Variants in PLXNA2 observed in about 807,000 individuals in gnomAD.
The protein encoded by PLXNA2 is plexin-A2.
Under a neutral mutation model 193.5 loss-of-function variants are expected in PLXNA2, and 91 were observed. The ratio of observed to expected loss-of-function variants is 0.47; its 90% CI spans 0.40 to 0.56. The LOEUF is 0.56. PLXNA2 is among the 20% of genes least tolerant of loss of function. PLXNA2 has a pLI of 0.00. For synonymous variants in PLXNA2, 997 were observed against 1,027.3 expected (o/e 0.97, Z 0.56); for missense variants, 1,995 against 2,503.2 (o/e 0.80, Z 4.33).
chr1:208,073,221 G>A (rs1426303835), intron 12 of PLXNA2, among the ~76,000 whole-genome samples: 1 of 152,220 alleles, frequency 6.6e-6, no homozygotes, highest in Non-Finnish European at 1.5e-5. Flanking sequence ...GTCTGCTCAT[G>A]TCCCTTGCCT....
rs1667210400 is a variant in PLXNA2 at position 208,104,864 on chromosome 1, T to C, written c.1507-1617A>G. Reference sequence around the variant, plus strand: ...GGGAGATGAGTGTAAAATCTTGCAATTTAGCTTTAAAAAAGACTGGTACTA... The same window carrying C: ...GGGAGATGAGTGTAAAATCTTGCAACTTAGCTTTAAAAAAGACTGGTACTA... On this transcript the variant is annotated intron_variant, in intron 4 of 31. Transcript: ENST00000367033. Among the ~76,000 whole-genome samples the C allele has an allele frequency of 2.0e-5, 3 of 152,158 alleles. 1 individual carries two copies. The highest frequency in any genetic ancestry group is 2.0e-4 in the Admixed American group (3 of 15,286).
Position 208,091,291 on chromosome 1 carries a change from TA to T in PLXNA2, c.2097+1494del, listed in dbSNP as rs548565716. 5.3e-5 allele frequency among the ~76,000 whole-genome samples: 8 copies of T among 152,020 alleles called. No individual in the cohort carries two copies. The South Asian group carries it at 1.5e-3, about 28-fold the overall frequency. ...ATAAACTAAGAAGAGTTCAAAGGGG[TA>T]TGTGTTTGAGAAACCTTTCAGAGTC... is the stretch of plus-strand genomic sequence containing the variant. On this transcript the variant is annotated intron_variant, in intron 9 of 31. Transcript: ENST00000367033.
intron 12 of PLXNA2, among the ~76,000 whole-genome samples, chr1:208,065,095 G>T (rs542398846): frequency 3.3e-5 from 5 of 152,248 alleles, no homozygotes; most frequent in Middle Eastern, 6.8e-3. Flanking sequence ...GGAAGGAGCT[G>T]AGAGGCTGCA....
intron 12 of PLXNA2, among the ~76,000 whole-genome samples, chr1:208,069,006 T>A (rs1665889583): frequency 6.6e-6 from 1 of 152,152 alleles, no homozygotes; most frequent in African/African-American, 2.4e-5. Flanking sequence ...CACTTTAGGG[T>A]AGAGAGCTCA....
chr1:208,146,708 CA>C (rs1285288002), intron 3 of PLXNA2, among the ~76,000 whole-genome samples: 3 of 152,114 alleles, frequency 2.0e-5, no homozygotes, highest in African/African-American at 4.8e-5. Flanking sequence ...TGGTGTCCCA[CA>C]AAGTGACAGC....
At chr1:208,172,247 G>A (rs1273289009) in intron 3 of PLXNA2, among the ~76,000 whole-genome samples, 5 of 151,868 alleles carry the variant, frequency 3.3e-5, no homozygotes, top group African/African-American at 1.2e-4. Flanking sequence ...TCTGTTATTT[G>A]CAGAGGTAAT....
chr1:208,093,366 G>C (rs558445396), intron 8 of PLXNA2, among the ~76,000 whole-genome samples: 2 of 152,204 alleles, frequency 1.3e-5, no homozygotes, highest in African/African-American at 2.4e-5. Context: ...ACAGGAATTG[G>C]GCATATCTGA....
intron 3 of PLXNA2, among the ~76,000 whole-genome samples, chr1:208,156,173 G>A (rs1209498166): frequency 6.6e-6 from 1 of 152,110 alleles, no homozygotes; most frequent in African/African-American, 2.4e-5. Flanking sequence ...GAGGTTTCTC[G>A]GGTTCCTGAG....
Position 208,039,000 on chromosome 1 carries a change from A to G in PLXNA2, c.4501-16T>C. ...AGTTCAGGATCTACAAGTAGGGGACAGAGGGTGAGCAGGACAGGAGTTGAA... is the reference window on the plus strand; with the variant it reads ...AGTTCAGGATCTACAAGTAGGGGACGGAGGGTGAGCAGGACAGGAGTTGAA... On this transcript the variant is annotated splice_polypyrimidine_tract_variant and intron_variant, in intron 24 of 31. Coordinates refer to ENST00000367033, the MANE Select transcript of PLXNA2 (RefSeq NM_025179.4). This position sits in a 1 kb window ranked among gnomAD's most constrained non-coding sequence, Gnocchi z 4.1. The G allele has an allele frequency of 1.2e-6, 2 of 1,612,064 alleles. No individual in the cohort carries two copies. Among genetic ancestry groups the G allele is most frequent in the South Asian group, 1.1e-5 (1 of 90,868 alleles).
chr1:208,106,971 G>A (rs1667289367), intron 4 of PLXNA2, among the ~76,000 whole-genome samples: 1 of 152,226 alleles, frequency 6.6e-6, no homozygotes, highest in African/African-American at 2.4e-5. Flanking sequence ...TGAGGGCAAG[G>A]GAGGGATGGT....
intron 8 of PLXNA2, among the ~76,000 whole-genome samples, chr1:208,095,543 T>C (rs150298932): frequency 2.0e-4 from 30 of 152,288 alleles, no homozygotes; most frequent in African/African-American, 7.0e-4. Context: ...CCCATCCAGG[T>C]CTTTTTATCA....
chr1:208,200,050 A>G (rs11119011), intron 3 of PLXNA2, among the ~76,000 whole-genome samples: 33,313 of 152,190 alleles, frequency 0.22, 4,432 homozygotes, highest in Non-Finnish European at 0.3. Flanking sequence ...TGGGAATTCC[A>G]GATTTGTTAT....
intron 12 of PLXNA2, among the ~76,000 whole-genome samples, chr1:208,074,359 G>A (rs557866972): frequency 4.3e-4 from 66 of 152,278 alleles, no homozygotes; most frequent in African/African-American, 1.4e-3. Context: ...CAGGTGACAC[G>A]TGCACAGACA....
At chr1:208,086,179 T>C (rs1363513788) in intron 9 of PLXNA2, among the ~76,000 whole-genome samples, 1 of 152,204 alleles carries the variant, frequency 6.6e-6, no homozygotes, top group African/African-American at 2.4e-5. Context: ...TCTTGAGGAT[T>C]AGGCTGCATC....
rs144666604 is a variant in PLXNA2, at chr1:208,093,736, T to C, written c.1983-836A>G. 2.5e-3 allele frequency among the ~76,000 whole-genome samples: 387 copies of C among 152,332 alleles called. 3 individuals carry two copies. Among genetic ancestry groups the C allele is most frequent in the African/African-American group, 7.7e-3 (319 of 41,578 alleles). On this transcript the variant is annotated intron_variant, in intron 8 of 31. Coordinates refer to ENST00000367033, the MANE Select transcript of PLXNA2 (RefSeq NM_025179.4). ...AGGATATGTGTGTGGTATGTGCTTT[T>C]CTTGCCAGGGTGAGCACTTCTTTCC...
chr1:208,061,549 A>G (rs1228895109), intron 12 of PLXNA2, among the ~76,000 whole-genome samples: 1 of 152,206 alleles, frequency 6.6e-6, no homozygotes, highest in Non-Finnish European at 1.5e-5. Context: ...TGCACTTGAC[A>G]CTGTTCTGCA....
chr1:208,123,523 C>T (rs1056137358), intron 4 of PLXNA2, among the ~76,000 whole-genome samples: 4 of 152,180 alleles, frequency 2.6e-5, no homozygotes, highest in Non-Finnish European at 4.4e-5. Flanking sequence ...ATGAAATAGG[C>T]TCCAAGTGTA....
chr1:208,115,302 G>T (rs1667601450), intron 4 of PLXNA2, among the ~76,000 whole-genome samples: 1 of 152,146 alleles, frequency 6.6e-6, no homozygotes, highest in Non-Finnish European at 1.5e-5. Flanking sequence ...TTGTGCATTT[G>T]CTTGTTTATT....
chr1:208,093,388 C>G (rs1666775611), intron 8 of PLXNA2, among the ~76,000 whole-genome samples: 2 of 152,188 alleles, frequency 1.3e-5, no homozygotes, highest in Admixed American at 6.5e-5. Flanking sequence ...TATAGACTTG[C>G]TTCTGCCACT....
Sources: allele counts gnomAD v4.1 joint callset (sites outside exome capture counted in the v4.1 genomes callset), GRCh38; gene constraint gnomAD v4.1.1; non-coding constraint Gnocchi (gnomAD v3.1); transcripts MANE v1.5; gene names NCBI Gene and HGNC (gene_info 2026-07-23, HGNC 2026-07-21).